The following KAZN variants were observed in gnomAD, a reference collection of about 807,000 sequenced individuals.
The protein encoded by KAZN is kazrin.
KAZN carries 40 observed loss-of-function variants against 87.4 expected under a neutral mutation model. The ratio of observed to expected loss-of-function variants is 0.46; its 90% CI spans 0.36 to 0.60. The LOEUF (loss-of-function observed/expected upper bound fraction) is 0.60. Ranked by LOEUF, KAZN falls within the 20% of genes least tolerant of loss-of-function variation. The pLI is 0.00. For synonymous variants in KAZN, 466 were observed against 458.3 expected (o/e 1.02, Z -0.22); for missense variants, 898 against 1,073.9 (o/e 0.84, Z 2.29).
At chr1:14,539,903 A>C (rs1672709933) in intron 2 of KAZN, among the ~76,000 whole-genome samples, 1 of 152,212 alleles carries the variant, frequency 6.6e-6, no homozygotes, top group African/African-American at 2.4e-5. Flanking sequence ...GAATGCACTT[A>C]AAGTCATCTT....
chr1:14,017,968 A>C (rs2101232130), intron 1 of KAZN, among the ~76,000 whole-genome samples: 1 of 152,314 alleles, frequency 6.6e-6, no homozygotes, highest in South Asian at 2.1e-4. Context: ...TTTACTAAGC[A>C]TGTATCTGCC....
At chr1:14,112,699 T>C (rs1644526546) in intron 1 of KAZN, among the ~76,000 whole-genome samples, 1 of 152,224 alleles carries the variant, frequency 6.6e-6, no homozygotes, top group Non-Finnish European at 1.5e-5. Flanking sequence ...GGGAGTTGTC[T>C]TGGCTGGTAG....
chr1:14,284,520 G>A (rs1653093305), intron 2 of KAZN, among the ~76,000 whole-genome samples: 1 of 152,190 alleles, frequency 6.6e-6, no homozygotes, highest in African/African-American at 2.4e-5. Flanking sequence ...GAGGATGATG[G>A]ACAGCAAATA....
intron 1 of KAZN, among the ~76,000 whole-genome samples, chr1:14,170,545 G>T (rs549901669): frequency 1.7e-4 from 26 of 152,298 alleles, no homozygotes; most frequent in African/African-American, 6.3e-4. Context: ...CACGTAGCTT[G>T]AAATTTACCA....
rs1004389730 is a variant in KAZN, at chr1:15,037,097, C to T, written c.555+2212C>T. On this transcript the variant is annotated intron_variant, in intron 3 of 14. Transcript: ENST00000376030. ...TGGTCGCCTCTGCTCCCTGCCTCCC[C>T]TTCTGTGTCCACCTCTCTCATTTCT... Among the ~76,000 whole-genome samples, 29 of 152,308 alleles carry T rather than the reference C, an allele frequency of 1.9e-4. No individual in the cohort carries two copies. The East Asian group carries it at 4.8e-3, about 25-fold the overall frequency.
At chr1:14,825,042 C>T (rs1374057088) in intron 1 of KAZN, among the ~76,000 whole-genome samples, 1 of 152,266 alleles carries the variant, frequency 6.6e-6, no homozygotes, top group Non-Finnish European at 1.5e-5. Context: ...CAGCGCATCC[C>T]CCTTGCTGAA....
rs1201458307 is a variant in KAZN at position 14,820,310 on chromosome 1, G to T, written c.227-140374G>T. On this transcript the variant is annotated intron_variant, in intron 1 of 14. Transcript: ENST00000376030. The surrounding 1 kb of genome is among the most constrained non-coding windows in gnomAD (Gnocchi z 4.1). ...TCCCCGCAGAGGCTTCAGGGCTTTT[G>T]AGGGTTACTTAGCCAAGTCATTGCC... Among the ~76,000 whole-genome samples, 1 of 152,208 alleles carries T rather than the reference G, an allele frequency of 6.6e-6. No homozygotes were observed. The highest frequency in any genetic ancestry group is 1.5e-5 in the Non-Finnish European group (1 of 68,044).
At chr1:14,101,031 C>T (rs1411830416) in intron 1 of KAZN, among the ~76,000 whole-genome samples, 1 of 152,208 alleles carries the variant, frequency 6.6e-6, no homozygotes, top group Non-Finnish European at 1.5e-5. Flanking sequence ...CTTCCCCAGC[C>T]ACATGGAACT....
At chr1:14,295,230 G>A (rs906566885) in intron 2 of KAZN, among the ~76,000 whole-genome samples, 3 of 152,200 alleles carry the variant, frequency 2.0e-5, no homozygotes, top group Non-Finnish European at 2.9e-5. Flanking sequence ...TGACATTTCT[G>A]TCTCATCTCC....
intron 2 of KAZN, among the ~76,000 whole-genome samples, chr1:14,205,890 A>AAAAAAAAAAAAAAAC (rs1646731624): frequency 1.7e-5 from 1 of 59,938 alleles, no homozygotes; most frequent in Non-Finnish European, 3.0e-5. Flanking sequence ...GTCTCAAAAA[A>AAAAAAAAAAAAAAAC]AAAAAAAAAA....
chr1:14,178,857 C>T (rs1212396546), intron 1 of KAZN, among the ~76,000 whole-genome samples: 1 of 152,172 alleles, frequency 6.6e-6, no homozygotes, highest in Admixed American at 6.5e-5. Context: ...CAGTTCACCT[C>T]TTTCATGGCT....
intron 2 of KAZN, among the ~76,000 whole-genome samples, chr1:14,351,453 G>A (rs1263775208): frequency 1.3e-5 from 2 of 152,126 alleles, no homozygotes; most frequent in East Asian, 1.9e-4. Flanking sequence ...CTGCTCCTCT[G>A]GAGGCTGAGG....
intron 1 of KAZN, among the ~76,000 whole-genome samples, chr1:14,676,348 A>G (rs1163450231): frequency 6.6e-6 from 1 of 152,182 alleles, no homozygotes; most frequent in Admixed American, 6.5e-5. Flanking sequence ...ATTGAGCTTG[A>G]GGTTAGGAGG....
intron 1 of KAZN, among the ~76,000 whole-genome samples, chr1:14,104,087 G>A (rs1644318163): frequency 6.6e-6 from 1 of 152,288 alleles, no homozygotes; most frequent in East Asian, 1.9e-4. Context: ...CATGCCAAAG[G>A]AAGGTGGGTT....
At chr1:14,252,845 G>C (rs1023695261) in intron 2 of KAZN, among the ~76,000 whole-genome samples, 1 of 152,094 alleles carries the variant, frequency 6.6e-6, no homozygotes, top group African/African-American at 2.4e-5. Flanking sequence ...CAATGCAGGG[G>C]CTGTACTCCA....
intron 2 of KAZN, among the ~76,000 whole-genome samples, chr1:14,377,521 G>A (rs532350999): frequency 2.0e-5 from 3 of 152,246 alleles, no homozygotes; most frequent in African/African-American, 7.2e-5. Context: ...CAACAATCTC[G>A]ACTCCTCATA....
chr1:14,761,481 G>C (rs1315136492), intron 1 of KAZN, among the ~76,000 whole-genome samples: 1 of 152,142 alleles, frequency 6.6e-6, no homozygotes, highest in Non-Finnish European at 1.5e-5. Context: ...CGTAGCACAG[G>C]GCCCAGCACC....
chr1:14,544,652 T>C (rs919844596), intron 2 of KAZN, among the ~76,000 whole-genome samples: 1 of 151,636 alleles, frequency 6.6e-6, no homozygotes, highest in African/African-American at 2.4e-5. Context: ...TCAGAAAGGG[T>C]TTAGATAAAT....
chr1:14,522,051 G>C (rs1033437004), intron 2 of KAZN, among the ~76,000 whole-genome samples: 9 of 152,038 alleles, frequency 5.9e-5, no homozygotes, highest in African/African-American at 1.9e-4. Context: ...TTTTACACAG[G>C]CCCTCTCCAC....
Sources: allele counts gnomAD v4.1 joint callset (sites outside exome capture counted in the v4.1 genomes callset), GRCh38; gene constraint gnomAD v4.1.1; non-coding constraint Gnocchi (gnomAD v3.1); transcripts MANE v1.5; gene names NCBI Gene and HGNC (gene_info 2026-07-23, HGNC 2026-07-21).